Variants in SAP30BP observed in about 807,000 individuals in gnomAD.
SAP30BP encodes the protein SAP30-binding protein.
Under a neutral mutation model 46.3 loss-of-function variants are expected in SAP30BP, and 31 were observed. The observed-to-expected ratio is 0.67, with a 90% CI of 0.50 to 0.90. The LOEUF (loss-of-function observed/expected upper bound fraction) is 0.90. Among genes scored for constraint, SAP30BP ranks in the 40% least tolerant of loss-of-function variants. SAP30BP has a pLI of 0.00. For missense variants in SAP30BP, 312 were observed against 391.0 expected, an observed-to-expected ratio of 0.80 and a Z score of 1.70; for synonymous variants, 169 against 144.2, an observed-to-expected ratio of 1.17 and a Z score of -1.23.
At chr17:75,691,618 TG>T (rs1483384582) in intron 3 of SAP30BP, 7 of 394,256 alleles carry the variant, frequency 1.8e-5, no homozygotes, top group Non-Finnish European at 3.0e-5. Context: ...ACTCCTTGTG[TG>T]GGGATTGGGC....
At chr17:75,676,597 A>C (rs1093991) in intron 3 of SAP30BP, among the ~76,000 whole-genome samples, 147,397 of 152,318 alleles carry the variant, frequency 0.97, 71,435 homozygotes, top group East Asian at 1. Context: ...GTTTGTCATT[A>C]TTTCAAATAA....
At chr17:75,701,166 G>A (rs2060404023) in intron 5 of SAP30BP, among the ~76,000 whole-genome samples, 2 of 152,198 alleles carry the variant, frequency 1.3e-5, no homozygotes, top group Admixed American at 1.3e-4. Context: ...CTCCTGACGT[G>A]TCCTAAATGT....
intron 3 of SAP30BP, among the ~76,000 whole-genome samples, chr17:75,676,847 G>A (rs558091217): frequency 6.6e-6 from 1 of 152,268 alleles, no homozygotes; most frequent in South Asian, 2.1e-4. Context: ...AGGTATGTAT[G>A]TATAGGAAAA....
intron 3 of SAP30BP, among the ~76,000 whole-genome samples, chr17:75,676,975 T>G (rs2060000250): frequency 6.6e-6 from 1 of 152,116 alleles, no homozygotes. Flanking sequence ...CCTGAGACAT[T>G]TGTCTGACTT....
chr17:75,686,540 GAA>G (rs1228250832), intron 3 of SAP30BP, among the ~76,000 whole-genome samples: 1 of 150,504 alleles, frequency 6.6e-6, no homozygotes, highest in South Asian at 2.1e-4. Flanking sequence ...AAAAAAGAAA[GAA>G]AAAAAGAAAC....
rs118059878 is a variant in SAP30BP, at chr17:75,685,971, C to T, written c.265-7469C>T. Among the ~76,000 whole-genome samples, 34 of 152,258 alleles carry T rather than the reference C, an allele frequency of 2.2e-4. No individual in the cohort carries two copies. The South Asian group carries it at 5.0e-3, about 22-fold the overall frequency. ...AAATGTAGATTGTACTTGGAATAGT[C>T]GGATAACAAAAGTCCCCCTTGGAAA... On this transcript the variant is annotated intron_variant, in intron 3 of 10. Coordinates refer to ENST00000584667, the MANE Select transcript of SAP30BP (RefSeq NM_013260.8).
rs2060233347 is a variant in SAP30BP at position 75,690,970 on chromosome 17, T to G, written c.265-2470T>G. ...TGAGCTGGCCAGGCTACTTCATGCATTTGGTTTAATGGGTCCTCGTAAGGC... is the reference window on the plus strand; with the variant it reads ...TGAGCTGGCCAGGCTACTTCATGCAGTTGGTTTAATGGGTCCTCGTAAGGC... On this transcript the variant is annotated intron_variant, in intron 3 of 10. Transcript: ENST00000584667. 3.3e-5 allele frequency among the ~76,000 whole-genome samples: 5 copies of G among 152,196 alleles called. No homozygotes were observed. The South Asian group carries it at 1.0e-3, about 32-fold the overall frequency.
At chr17:75,697,753 G>A (rs1452337369) in intron 4 of SAP30BP, among the ~76,000 whole-genome samples, 4 of 152,340 alleles carry the variant, frequency 2.6e-5, no homozygotes, top group African/African-American at 9.6e-5. Context: ...TCCTGCAGCA[G>A]CTGGACTGGC....
At chr17:75,672,182 G>A (rs1462137494) in intron 3 of SAP30BP, 3 of 346,866 alleles carry the variant, frequency 8.6e-6, no homozygotes, top group East Asian at 1.2e-4. Context: ...TGCCCTGCAG[G>A]TGGATTAGTC....
At chr17:75,673,108 A>G (rs760132442) in intron 3 of SAP30BP, among the ~76,000 whole-genome samples, 4 of 152,202 alleles carry the variant, frequency 2.6e-5, no homozygotes, top group African/African-American at 4.8e-5. Context: ...ATTTGAGCTG[A>G]TTCTGTGATT....
intron 3 of SAP30BP, among the ~76,000 whole-genome samples, chr17:75,681,986 T>G (rs2060082863): frequency 6.6e-6 from 1 of 152,116 alleles, no homozygotes; most frequent in Admixed American, 6.6e-5. Context: ...TGAGAATTAC[T>G]CTGCAGAACG....
At chr17:75,677,236 G>C (rs1420849397) in intron 3 of SAP30BP, among the ~76,000 whole-genome samples, 1 of 150,258 alleles carries the variant, frequency 6.7e-6, no homozygotes, top group Non-Finnish European at 1.5e-5. Flanking sequence ...TTCCTGAGTA[G>C]CTGGGATACA....
chr17:75,674,690 G>GTTTGTTTTTTTTTTTTTTTTTTT (rs2059958498), intron 3 of SAP30BP, among the ~76,000 whole-genome samples: 2 of 39,578 alleles, frequency 5.1e-5, no homozygotes, highest in African/African-American at 6.6e-5. Flanking sequence ...TTTTTTGTTT[G>GTTTGTTTTTTTTTTTTTTTTTTT]TTTTTTGTTT....
Position 75,667,405 on chromosome 17 carries a change from C to A in SAP30BP, c.33C>A (p.Leu11=), listed in dbSNP as rs748773520. MAGKKNVLSS[L]AVYAEDSEPE... ...GGAAGAAGAATGTTCTGTCGTCTCT[C>A]GCAGTTTACGCGGAAGATTCAGAGC... is the stretch of plus-strand genomic sequence containing the variant. The change falls in exon 1 of 11, where the codon CTC becomes CTA. Residue 11 remains leucine, a synonymous_variant. Transcript: ENST00000584667. 1 of 1,614,204 alleles carries A rather than the reference C, an allele frequency of 6.2e-7. No homozygotes were observed. The highest frequency in any genetic ancestry group is 2.2e-5 in the East Asian group (1 of 44,890).
At chr17:75,673,783 G>T (rs2059942243) in intron 3 of SAP30BP, among the ~76,000 whole-genome samples, 1 of 152,180 alleles carries the variant, frequency 6.6e-6, no homozygotes, top group Admixed American at 6.5e-5. Flanking sequence ...AAAAGGTGAA[G>T]CTGGGAAGAT....
intron 3 of SAP30BP, among the ~76,000 whole-genome samples, chr17:75,675,947 A>C (rs1469861881): frequency 6.6e-6 from 1 of 152,168 alleles, no homozygotes; most frequent in Non-Finnish European, 1.5e-5. Context: ...TATTAACATA[A>C]ATAACATTTT....
At chr17:75,694,628 C>CT (rs11379873) in intron 4 of SAP30BP, among the ~76,000 whole-genome samples, 149,346 of 152,298 alleles carry the variant, frequency 0.98, 73,302 homozygotes, top group East Asian at 1. Flanking sequence ...ATGGCCGGCC[C>CT]AAGGGGGCGA....
In SAP30BP at chr17:75,706,636, A is replaced by G; in HGVS notation, c.*115A>G. Reference sequence around the variant, plus strand: ...GGACCTACTCCCCAGATGCCACCTGAGAGGAGCTTCTGTTTGGCATTCCAG... The same window carrying G: ...GGACCTACTCCCCAGATGCCACCTGGGAGGAGCTTCTGTTTGGCATTCCAG... On this transcript the variant is annotated 3_prime_UTR_variant, in exon 11 of 11. Coordinates refer to ENST00000584667, the MANE Select transcript of SAP30BP (RefSeq NM_013260.8). The surrounding 1 kb of genome is among the most constrained non-coding windows in gnomAD (Gnocchi z 4.6). 1.0e-6 allele frequency: 1 copy of G among 959,856 alleles called. No individual in the cohort carries two copies. The highest frequency in any genetic ancestry group is 1.6e-6 in the Non-Finnish European group (1 of 638,578). 59.5% of individuals were successfully genotyped at this position (959,856 alleles called of 1,614,324 possible).
chr17:75,679,079 C>T (rs999918796), intron 3 of SAP30BP, among the ~76,000 whole-genome samples: 2 of 151,390 alleles, frequency 1.3e-5, no homozygotes, highest in Non-Finnish European at 2.9e-5. Context: ...CTGCAAGCTC[C>T]GCCTCCCAGG....
Sources: allele counts gnomAD v4.1 joint callset (sites outside exome capture counted in the v4.1 genomes callset), GRCh38; gene constraint gnomAD v4.1.1; non-coding constraint Gnocchi (gnomAD v3.1); transcripts MANE v1.5; gene names NCBI Gene and HGNC (gene_info 2026-07-23, HGNC 2026-07-21).